Variants in GNG7 observed in about 807,000 individuals in gnomAD.
The protein encoded by GNG7 is G protein subunit gamma 7, also known as guanine nucleotide-binding protein G(I)/G(S)/G(O) subunit gamma-7.
GNG7 carries 1 observed loss-of-function variant against 4.0 expected under a neutral mutation model. The observed-to-expected ratio is 0.25, with a 90% CI of 0.09 to 1.18. The LOEUF is 1.18. Ranked by LOEUF, GNG7 falls within the 50% of genes most tolerant of loss-of-function variation. The pLI is 0.50. For synonymous variants in GNG7, 34 were observed against 36.9 expected, an observed-to-expected ratio of 0.92 and a Z score of 0.29; for missense variants, 86 against 91.9, an observed-to-expected ratio of 0.94 and a Z score of 0.26.
At position 2,614,298 on chromosome 19, in the gene GNG7, G is replaced by C. The variant is rs545562416; in HGVS notation, c.-78+31926C>G. Among the ~76,000 whole-genome samples, 1 of 152,204 alleles carries C rather than the reference G, an allele frequency of 6.6e-6. No homozygotes were observed. Among genetic ancestry groups the C allele is most frequent in the Non-Finnish European group, 1.5e-5 (1 of 68,046 alleles). On this transcript the variant is annotated intron_variant, in intron 2 of 4. Transcript: ENST00000382159. This position sits in a 1 kb window ranked among gnomAD's most constrained non-coding sequence, Gnocchi z 6.0. ...CCCGCAGGGGGGCCCTGCACGTCGG[G>C]TCTCAGGCACATGTGTGGTGAAATG...
chr19:2,539,836 C>A (rs1303952810), intron 3 of GNG7, among the ~76,000 whole-genome samples: 1 of 113,758 alleles, frequency 8.8e-6, no homozygotes. Flanking sequence ...ACTCACACCT[C>A]TCCTTTCTCC....
chr19:2,667,309 G>A (rs1421629237), intron 1 of GNG7, among the ~76,000 whole-genome samples: 3 of 152,108 alleles, frequency 2.0e-5, no homozygotes, highest in African/African-American at 4.8e-5. Flanking sequence ...GCCACAGAGT[G>A]AGACTCCCTC....
At chr19:2,692,451 C>T (rs1289118440) in intron 1 of GNG7, among the ~76,000 whole-genome samples, 1 of 151,828 alleles carries the variant, frequency 6.6e-6, no homozygotes, top group South Asian at 2.1e-4. Flanking sequence ...CTGGCTAACA[C>T]GGTGAAACCC....
In GNG7 at chr19:2,651,540, C is replaced by CT. The variant is rs1196125788; in HGVS notation, c.-134-5261dup. Among the ~76,000 whole-genome samples, 14 of 141,590 alleles carry CT rather than the reference C, an allele frequency of 9.9e-5. No homozygotes were observed. The South Asian group carries it at 1.7e-3, about 17-fold the overall frequency. 92.9% of individuals were successfully genotyped at this position (141,590 alleles called of 152,430 possible). A position where few individuals can be genotyped will look rare whatever the true frequency, so the allele number is the denominator to read the frequency against. On this transcript the variant is annotated intron_variant, in intron 1 of 4. Transcript: ENST00000382159. ...CTTTCCTTCTTTCTTCTTTCTCTTT[C>CT]TTTTCTCTCTCCCTTTCTCTCTCTC...
intron 2 of GNG7, among the ~76,000 whole-genome samples, chr19:2,593,453 TAA>T (rs1280051567): frequency 2.6e-5 from 4 of 152,156 alleles, no homozygotes; most frequent in Non-Finnish European, 1.5e-5. Flanking sequence ...TCAAAAGTAT[TAA>T]GAGTAGGACT....
chr19:2,621,220 A>G (rs1981859592), intron 2 of GNG7, among the ~76,000 whole-genome samples: 1 of 152,104 alleles, frequency 6.6e-6, no homozygotes, highest in African/African-American at 2.4e-5. Flanking sequence ...GACTAATTGC[A>G]TTTGCTTAAA....
At chr19:2,666,560 G>C (rs1983316592) in intron 1 of GNG7, among the ~76,000 whole-genome samples, 1 of 151,904 alleles carries the variant, frequency 6.6e-6, no homozygotes, top group African/African-American at 2.4e-5. Context: ...GATCCTCCCT[G>C]CTCAGCCTCC....
At chr19:2,588,761 C>T (rs1293718700) in intron 2 of GNG7, among the ~76,000 whole-genome samples, 3 of 152,186 alleles carry the variant, frequency 2.0e-5, no homozygotes, top group Admixed American at 1.3e-4. Flanking sequence ...CAAACCCAGG[C>T]TTGCTGATCA....
At chr19:2,693,870 C>G (rs1206001737) in intron 1 of GNG7, among the ~76,000 whole-genome samples, 1 of 152,114 alleles carries the variant, frequency 6.6e-6, no homozygotes, top group Non-Finnish European at 1.5e-5. Flanking sequence ...CCACAACCCC[C>G]CCAAGTCTCT....
intron 2 of GNG7, among the ~76,000 whole-genome samples, chr19:2,596,855 A>G (rs1042917008): frequency 1.3e-5 from 2 of 152,226 alleles, no homozygotes; most frequent in Non-Finnish European, 2.9e-5. Context: ...TATTCTCAAC[A>G]GGGTGAACAT....
At chr19:2,612,452 G>A (rs964977305) in intron 2 of GNG7, among the ~76,000 whole-genome samples, 10 of 152,114 alleles carry the variant, frequency 6.6e-5, no homozygotes, top group South Asian at 2.1e-4. Context: ...ATTTCATATC[G>A]GGGTGACCCA....
chr19:2,700,551 C>G (rs1913377126), intron 1 of GNG7: 1 of 152,180 alleles, frequency 6.6e-6, no homozygotes, highest in Admixed American at 6.5e-5. Flanking sequence ...CTGTGACAAC[C>G]CAGTCATCCC....
intron 3 of GNG7, among the ~76,000 whole-genome samples, chr19:2,524,941 C>G (rs1412975510): frequency 6.6e-6 from 1 of 151,976 alleles, no homozygotes; most frequent in Non-Finnish European, 1.5e-5. Context: ...CATGTGGATG[C>G]TTGGGCTGAG....
At chr19:2,645,552 T>C (rs1223064438) in intron 2 of GNG7, among the ~76,000 whole-genome samples, 1 of 145,360 alleles carries the variant, frequency 6.9e-6, no homozygotes, top group Non-Finnish European at 1.5e-5. Context: ...ACCCTAACTC[T>C]TAAAAAAAAA....
In GNG7 at chr19:2,611,905, C is replaced by G. The variant is rs531455963; in HGVS notation, c.-78+34319G>C. The G allele has an allele frequency of 6.6e-6, 1 of 151,108 alleles. No homozygotes were observed. The highest frequency in any genetic ancestry group is 2.4e-5 in the African/African-American group (1 of 41,096). The allele number at this position is 151,108 out of a possible 1,614,324, so 9.4% of individuals were successfully genotyped here. A position where few individuals can be genotyped will look rare whatever the true frequency, so the allele number is the denominator to read the frequency against. ...CTTTTTTTTTTTTGAGATGGAGTCT[C>G]GCTCTGTCACCAGGCTGAAGTGCAG... On this transcript the variant is annotated intron_variant, in intron 2 of 4. Coordinates refer to ENST00000382159, the MANE Select transcript of GNG7 (RefSeq NM_052847.3). This position sits in a 1 kb window ranked among gnomAD's most constrained non-coding sequence, Gnocchi z 6.0.
In GNG7 at chr19:2,612,706, A is replaced by ATTTTTTTT. The variant is rs1568262802; in HGVS notation, c.-78+33517_-78+33518insAAAAAAAA. Among the ~76,000 whole-genome samples the ATTTTTTTT allele has an allele frequency of 2.5e-3, 292 of 118,406 alleles. 16 individuals are homozygous for ATTTTTTTT. The highest frequency in any genetic ancestry group is 0.013 in the African/African-American group (278 of 21,578). The allele number at this position is 118,406 out of a possible 152,430, so 77.7% of individuals were successfully genotyped here. Reference sequence around the variant, plus strand: ...TTAGAATTTTTTTTTTTTTTTGAGAAATTTTTTTTTTTTTTTTGAGAGTCT... The same window carrying ATTTTTTTT: ...TTAGAATTTTTTTTTTTTTTTGAGAATTTTTTTTATTTTTTTTTTTTTTTTGAGAGTCT... On this transcript the variant is annotated intron_variant, in intron 2 of 4. Transcript: ENST00000382159.
chr19:2,563,334 C>T (rs1979804682), intron 2 of GNG7, among the ~76,000 whole-genome samples: 1 of 152,184 alleles, frequency 6.6e-6, no homozygotes, highest in Admixed American at 6.5e-5. Flanking sequence ...TGGGGCCGTC[C>T]TCGGCACTGT....
chr19:2,661,360 G>GAAAGAAAGAAAGAAAGAAAT (rs1568277903), intron 1 of GNG7, among the ~76,000 whole-genome samples: 2 of 150,958 alleles, frequency 1.3e-5, no homozygotes, highest in Admixed American at 6.6e-5. Flanking sequence ...AAGAAAGAAA[G>GAAAGAAAGAAAGAAAGAAAT]AAATGGGCCC....
At chr19:2,643,540 C>A (rs1599438262) in intron 2 of GNG7, 3 of 357,032 alleles carry the variant, frequency 8.4e-6, no homozygotes, top group Non-Finnish European at 1.6e-5. Context: ...TGCACCATGT[C>A]CACTGGAAAT....
Sources: allele counts gnomAD v4.1 joint callset (sites outside exome capture counted in the v4.1 genomes callset), GRCh38; gene constraint gnomAD v4.1.1; non-coding constraint Gnocchi (gnomAD v3.1); transcripts MANE v1.5; gene names NCBI Gene and HGNC (gene_info 2026-07-23, HGNC 2026-07-21).